YAE1: variants seen among roughly 807,000 people sequenced by gnomAD.
YAE1 encodes the protein protein YAE1 homolog.
A neutral mutation model predicts 23.0 loss-of-function variants in YAE1; 22 were observed. The ratio of observed to expected loss-of-function variants is 0.96; its 90% CI spans 0.68 to 1.37. The LOEUF is 1.37. YAE1 is among the 40% of genes most tolerant of loss of function. The pLI is 0.00. For synonymous variants in YAE1, 101 were observed against 97.0 expected (o/e 1.04, Z -0.24); for missense variants, 260 against 262.1 (o/e 0.99, Z 0.06).
chr7:39,573,286 T>C (rs1349861796), downstream of YAE1, among the ~76,000 whole-genome samples: 2 of 147,906 alleles, frequency 1.4e-5, no homozygotes, highest in African/African-American at 2.6e-5. Context: ...TTCAGTTTTA[T>C]GAAAAACATA....
intron 2 of YAE1, among the ~76,000 whole-genome samples, chr7:39,590,098 G>A (rs1790879837): frequency 6.6e-6 from 1 of 152,138 alleles, no homozygotes; most frequent in African/African-American, 2.4e-5. Flanking sequence ...ATATCAATAG[G>A]AAAATCATAA....
chr7:39,594,213 G>T (rs1377924259), intron 2 of YAE1, among the ~76,000 whole-genome samples: 1 of 152,170 alleles, frequency 6.6e-6, no homozygotes, highest in East Asian at 1.9e-4. Flanking sequence ...GCAGGAATCA[G>T]CCAGATTTCC....
chr7:39,588,675 C>A (rs769012801), intron 2 of YAE1, among the ~76,000 whole-genome samples: 3 of 152,090 alleles, frequency 2.0e-5, no homozygotes, highest in Non-Finnish European at 4.4e-5. Flanking sequence ...TTAGTACTAA[C>A]GTTGTTTACA....
At chr7:39,578,217 T>C (rs1384080497) in intron 2 of YAE1, among the ~76,000 whole-genome samples, 1 of 152,040 alleles carries the variant, frequency 6.6e-6, no homozygotes, top group African/African-American at 2.4e-5. Context: ...TGGTAGGGAG[T>C]TGGAGAACCT....
downstream of YAE1, among the ~76,000 whole-genome samples, chr7:39,610,819 G>T (rs114829649): frequency 4.8e-3 from 726 of 152,270 alleles, 3 homozygotes; most frequent in African/African-American, 0.017. Context: ...TGTTAAATAT[G>T]GGGACTGTTC....
At chr7:39,602,842 A>G (rs112078431) in intron 2 of YAE1, among the ~76,000 whole-genome samples, 2,909 of 152,178 alleles carry the variant, frequency 0.019, 62 homozygotes, top group Admixed American at 0.065. Context: ...TCTGCCTCCC[A>G]TGTTCAAGCA....
At chr7:39,588,621 AAGG>A (rs2115816264) in intron 2 of YAE1, among the ~76,000 whole-genome samples, 1 of 152,198 alleles carries the variant, frequency 6.6e-6, no homozygotes, top group African/African-American at 2.4e-5. Context: ...TTCCGTCTCA[AAGG>A]AGAAGACTTT....
chr7:39,566,795 G>A, intron 1 of YAE1: 1 of 420,482 alleles, frequency 2.4e-6, no homozygotes, highest in Non-Finnish European at 4.4e-6. Context: ...TTAACTATGT[G>A]TAGACTTTGA....
chr7:39,574,766 A>G (rs987050508), downstream of YAE1, among the ~76,000 whole-genome samples: 1 of 148,934 alleles, frequency 6.7e-6, no homozygotes, highest in African/African-American at 2.5e-5. Flanking sequence ...TCCGACAGCC[A>G]TGGTGTTAAG....
At chr7:39,588,963 C>G (rs180878287) in intron 2 of YAE1, among the ~76,000 whole-genome samples, 1 of 151,970 alleles carries the variant, frequency 6.6e-6, no homozygotes, top group African/African-American at 2.4e-5. Context: ...GCTTGGATTA[C>G]AGGCATGCAT....
At chr7:39,584,068 A>G (rs1016221479) in intron 2 of YAE1, among the ~76,000 whole-genome samples, 32 of 152,206 alleles carry the variant, frequency 2.1e-4, no homozygotes, top group Non-Finnish European at 2.8e-4. Flanking sequence ...AAACTCTGCC[A>G]TGACTCAGAC....
rs570182779 is a variant in YAE1 at position 39,592,079 on chromosome 7, C to G, written c.252-17538C>G. 5.9e-5 allele frequency among the ~76,000 whole-genome samples: 9 copies of G among 152,330 alleles called. 1 individual carries two copies. The highest frequency in any genetic ancestry group is 5.9e-4 in the Admixed American group (9 of 15,298). On this transcript the variant is annotated intron_variant, in intron 2 of 2. Coordinates refer to the YAE1 transcript ENST00000432096. ...ATTTCACAGTCATTTTATCCATTCA[C>G]CTACTAAAGGACTTCTTGGTTTCTT...
intron 2 of YAE1, among the ~76,000 whole-genome samples, chr7:39,578,307 C>T (rs1251915590): frequency 6.6e-6 from 1 of 152,176 alleles, no homozygotes; most frequent in African/African-American, 2.4e-5. Flanking sequence ...TAAAACAGAC[C>T]GATCAGCTCT....
chr7:39,588,358 A>G (rs1164481849), intron 2 of YAE1, among the ~76,000 whole-genome samples: 1 of 152,210 alleles, frequency 6.6e-6, no homozygotes, highest in African/African-American at 2.4e-5. Flanking sequence ...CTAAAAATAC[A>G]AAAATTAGCT....
At chr7:39,597,030 T>A (rs1232281196) in intron 2 of YAE1, among the ~76,000 whole-genome samples, 1 of 152,250 alleles carries the variant, frequency 6.6e-6, no homozygotes, top group Non-Finnish European at 1.5e-5. Context: ...AAAAGACATT[T>A]CTGTGATAAG....
At chr7:39,575,537 G>GGAGA (rs56954676), downstream of YAE1, among the ~76,000 whole-genome samples, 9,243 of 130,840 alleles carry the variant, frequency 0.071, 394 homozygotes, top group Non-Finnish European at 0.099. Flanking sequence ...CTAAGATACA[G>GGAGA]GAGAGAGAGA....
At position 39,572,788 on chromosome 7, in the gene YAE1, C is replaced by G. The variant is rs1237917653; in HGVS notation, c.*82C>G. On this transcript the variant is annotated 3_prime_UTR_variant, in exon 3 of 3. Transcript: ENST00000223273. ...TCGAAATTTGTACTGGTTTCTGCAT[C>G]AAACACCTCAACTGTAGGGTTACCC... is the stretch of plus-strand genomic sequence containing the variant. 1.3e-6 allele frequency: 2 copies of G among 1,490,132 alleles called. No homozygotes were observed. The highest frequency in any genetic ancestry group is 8.9e-7 in the Non-Finnish European group (1 of 1,126,164). 92.3% of individuals were successfully genotyped at this position (1,490,132 alleles called of 1,614,324 possible).
chr7:39,607,395 GA>G (rs1350809680), intron 2 of YAE1, among the ~76,000 whole-genome samples: 3 of 152,206 alleles, frequency 2.0e-5, no homozygotes, highest in Admixed American at 2.0e-4. Flanking sequence ...GCGGAAGAGG[GA>G]ATTGGAGAAC....
chr7:39,575,537 GGAGAGAGAGAGAGAGAGAGAGAGA>G (rs56954676), downstream of YAE1, among the ~76,000 whole-genome samples: 2 of 131,284 alleles, frequency 1.5e-5, no homozygotes, highest in Admixed American at 1.6e-4. Flanking sequence ...CTAAGATACA[GGAGAGAGAGAGAGAGAGAGAGAGA>G]GAGAGAGAGA....
Sources: allele counts gnomAD v4.1 joint callset (sites outside exome capture counted in the v4.1 genomes callset), GRCh38; gene constraint gnomAD v4.1.1; transcripts MANE v1.5; gene names NCBI Gene and HGNC (gene_info 2026-07-23, HGNC 2026-07-21).